Variants in MORN4 observed in about 807,000 individuals in gnomAD.
MORN4 encodes the protein MORN repeat containing 4.
MORN4 carries 8 observed loss-of-function variants against 16.4 expected under a neutral mutation model. That is an observed-to-expected ratio of 0.49 (90% confidence interval 0.29 to 0.88). The LOEUF is 0.88. MORN4 is among the 40% of genes least tolerant of loss of function. The probability of loss-of-function intolerance (pLI) is 0.09; values close to 1 mark genes in which losing one functional copy is unlikely to be tolerated. For missense variants in MORN4, 159 were observed against 182.9 expected, an observed-to-expected ratio of 0.87 and a Z score of 0.75; for synonymous variants, 53 against 68.9, an observed-to-expected ratio of 0.77 and a Z score of 1.14.
chr10:97,633,673 A>G (rs534756919), upstream of MORN4: 1 of 1,251,196 alleles, frequency 8.0e-7, no homozygotes, highest in Non-Finnish European at 1.0e-6. This position sits in a 1 kb window ranked among gnomAD's most constrained non-coding sequence, Gnocchi z 4.5. Context: ...ATAAAGACAG[A>G]GGATCCAGAT....
At chr10:97,630,103 A>G (rs2041383445) in intron 1 of MORN4, among the ~76,000 whole-genome samples, 2 of 151,136 alleles carry the variant, frequency 1.3e-5, no homozygotes, top group South Asian at 4.2e-4. Flanking sequence ...TTTTTTTTGT[A>G]TTTTTAGTGG....
rs183319258 is a variant in MORN4 at position 97,626,475 on chromosome 10, A to G, written c.-30-6792T>C. Among the ~76,000 whole-genome samples, 634 of 149,330 alleles carry G rather than the reference A, an allele frequency of 4.2e-3. 8 individuals are homozygous for G. Among genetic ancestry groups the G allele is most frequent in the African/African-American group, 0.015 (597 of 40,726 alleles). Reference sequence around the variant, plus strand: ...TCTCTCTCTTTTTTTTTTTTTCTTGAAACGGAGTCTTGCTCTGTGGCCCAG... The same window carrying G: ...TCTCTCTCTTTTTTTTTTTTTCTTGGAACGGAGTCTTGCTCTGTGGCCCAG... On this transcript the variant is annotated intron_variant, in intron 1 of 4. Transcript: ENST00000307450.
At chr10:97,618,307 C>T (rs2041256796) in intron 2 of MORN4, among the ~76,000 whole-genome samples, 1 of 141,554 alleles carries the variant, frequency 7.1e-6, no homozygotes, top group Middle Eastern at 3.4e-3. Context: ...CTCTGTCGCC[C>T]AGGCTGGAGC....
Position 97,616,403 on chromosome 10 carries a change from T to C in MORN4, c.301A>G (p.Thr101Ala). 6.2e-7 allele frequency: 1 copy of C among 1,601,988 alleles called. No homozygotes were observed. Among genetic ancestry groups the C allele is most frequent in the Non-Finnish European group, 8.5e-7 (1 of 1,174,462 alleles). ...NGRVDGFGLL[T>A]FPDGSHGIPR... is the part of the protein sequence containing the mutation. The stretch of plus-strand genomic sequence containing the variant: ...ATTCCATGAGAACCATCAGGGAAAG[T>C]CAGCAGGCCTTTGAGGAGGGCAGAG... Residue 101 changes from threonine (T) to alanine (A), a missense_variant, in exon 5 of 5, where the codon ACT becomes GCT. Physicochemically the swap from Thr to Ala is moderately conservative, Grantham distance 58 (BLOSUM62 0). Coordinates refer to ENST00000307450, the MANE Select transcript of MORN4 (RefSeq NM_178832.4).
chr10:97,623,134 C>T (rs1036718512), intron 1 of MORN4, among the ~76,000 whole-genome samples: 2 of 152,136 alleles, frequency 1.3e-5, no homozygotes, highest in African/African-American at 4.8e-5. Flanking sequence ...CAAACTCAGA[C>T]TTACTGAATC....
At chr10:97,622,434 C>T (rs2041306199) in intron 1 of MORN4, among the ~76,000 whole-genome samples, 1 of 151,978 alleles carries the variant, frequency 6.6e-6, no homozygotes, top group South Asian at 2.1e-4. Flanking sequence ...ACCTACAATC[C>T]CAGCACTTTG....
At chr10:97,624,719 T>C (rs1205841630) in intron 1 of MORN4, among the ~76,000 whole-genome samples, 1 of 152,014 alleles carries the variant, frequency 6.6e-6, no homozygotes, top group Non-Finnish European at 1.5e-5. Context: ...TGTTTTTTGT[T>C]TTGTTTTGTT....
intron 1 of MORN4, among the ~76,000 whole-genome samples, chr10:97,623,535 T>A (rs1021371668): frequency 2.0e-5 from 3 of 152,148 alleles, no homozygotes; most frequent in African/African-American, 4.8e-5. Flanking sequence ...CACATTCTCC[T>A]CAGAGTACTG....
intron 1 of MORN4, among the ~76,000 whole-genome samples, chr10:97,629,118 T>C (rs769682522): frequency 9.2e-5 from 14 of 152,080 alleles, no homozygotes; most frequent in Non-Finnish European, 1.6e-4. Flanking sequence ...CCGGGCGTGG[T>C]GGCTCATGCC....
At position 97,616,112 on chromosome 10, in the gene MORN4, G is replaced by T; in HGVS notation, c.*151C>A. Reference sequence around the variant, plus strand: ...ATCCTCAGCACTTTTCTGTGGTCCAGTTCTGGAATGGCAGGTGACAGGGCA... The same window carrying T: ...ATCCTCAGCACTTTTCTGTGGTCCATTTCTGGAATGGCAGGTGACAGGGCA... On this transcript the variant is annotated 3_prime_UTR_variant, in exon 5 of 5. Coordinates refer to ENST00000307450, the MANE Select transcript of MORN4 (RefSeq NM_178832.4). 2.7e-6 allele frequency: 2 copies of T among 744,442 alleles called. No homozygotes were observed. The highest frequency in any genetic ancestry group is 1.8e-5 in the African/African-American group (1 of 55,892). The allele number at this position is 744,442 out of a possible 1,614,324, so 46.1% of individuals were successfully genotyped here. A position where few individuals can be genotyped will look rare whatever the true frequency, so the allele number is the denominator to read the frequency against.
intron 1 of MORN4, among the ~76,000 whole-genome samples, chr10:97,631,564 C>T (rs1324531927): frequency 6.7e-6 from 1 of 150,354 alleles, no homozygotes. Context: ...AAGAAATCAA[C>T]GTATTAAACA....
chr10:97,616,837 A>T (rs762755156), intron 3 of MORN4, 50 bp from the exon 4 acceptor site: 4 of 1,309,868 alleles, frequency 3.1e-6, no homozygotes, highest in Non-Finnish European at 4.4e-6. Flanking sequence ...AGCTGTCCAG[A>T]TGAACGGAGT....
At chr10:97,631,358 A>T (rs916032260) in intron 1 of MORN4, among the ~76,000 whole-genome samples, 3 of 152,190 alleles carry the variant, frequency 2.0e-5, no homozygotes, top group Admixed American at 2.0e-4. Context: ...AAACATTTAC[A>T]TAAAAGAAAA....
intron 1 of MORN4, among the ~76,000 whole-genome samples, chr10:97,624,759 C>T (rs535431351): frequency 6.6e-6 from 1 of 152,070 alleles, no homozygotes; most frequent in African/African-American, 2.4e-5. Context: ...GTTATTCTTC[C>T]CCAGGCTGGA....
intron 1 of MORN4, among the ~76,000 whole-genome samples, chr10:97,621,445 G>A (rs937307186): frequency 1.3e-5 from 2 of 152,246 alleles, no homozygotes; most frequent in Non-Finnish European, 2.9e-5. Context: ...CACGAAGTGG[G>A]ATGAATTGGA....
At chr10:97,622,337 G>T (rs1424342249) in intron 1 of MORN4, among the ~76,000 whole-genome samples, 1 of 152,112 alleles carries the variant, frequency 6.6e-6, no homozygotes, top group Non-Finnish European at 1.5e-5. Flanking sequence ...AGTAACATTT[G>T]GGGACTGGCT....
rs761814114 is a variant in MORN4 at position 97,616,816 on chromosome 10, A to G, written c.183-29T>C. 13 of 1,510,726 alleles carry G rather than the reference A, an allele frequency of 8.6e-6. No homozygotes were observed. The African/African-American group carries it at 9.6e-5, about 11-fold the overall frequency. The allele number at this position is 1,510,726 out of a possible 1,614,324, so 93.6% of individuals were successfully genotyped here. The stretch of plus-strand genomic sequence containing the variant: ...CAGAAACACCAAGAAGTTAGCCTTC[A>G]GTGGAAAGTTAGCTGTCCAGATGAA... On this transcript the variant is annotated intron_variant, in intron 3 of 4. Coordinates refer to ENST00000307450, the MANE Select transcript of MORN4 (RefSeq NM_178832.4).
chr10:97,623,805 G>T (rs1329296740), intron 1 of MORN4, among the ~76,000 whole-genome samples: 1 of 150,490 alleles, frequency 6.6e-6, no homozygotes, highest in South Asian at 2.1e-4. Flanking sequence ...GCATGATCTC[G>T]GCTGACTGCA....
intron 1 of MORN4, among the ~76,000 whole-genome samples, chr10:97,626,392 A>AATC (rs1450732119): frequency 1.7e-5 from 2 of 115,412 alleles, no homozygotes; most frequent in African/African-American, 8.1e-5. Flanking sequence ...TAATAATAAT[A>AATC]ATAATCATAA....
Sources: gnomAD v4.1 joint callset for allele counts (sites outside exome capture counted in the v4.1 genomes callset) on GRCh38, gnomAD v4.1.1 for gene constraint, Gnocchi (gnomAD v3.1) non-coding constraint, MANE v1.5 for transcripts, NCBI Gene and HGNC (gene_info 2026-07-23, HGNC 2026-07-21) for gene names.